The following ZNF704 variants were observed in gnomAD, a reference collection of about 807,000 sequenced individuals.
ZNF704 encodes the protein zinc finger protein 704.
ZNF704 carries 10 observed loss-of-function variants against 44.7 expected under a neutral mutation model. The ratio of observed to expected loss-of-function variants is 0.22; its 90% CI spans 0.14 to 0.38. The LOEUF is 0.38. Among genes scored for constraint, ZNF704 ranks in the 10% least tolerant of loss-of-function variants. The pLI is 1.00. For missense variants in ZNF704, 390 were observed against 545.5 expected (o/e 0.71, Z 2.84); for synonymous variants, 211 against 207.6 (o/e 1.02, Z -0.14).
chr8:80,661,243 G>A (rs1157177961), intron 6 of ZNF704, among the ~76,000 whole-genome samples: 2 of 152,036 alleles, frequency 1.3e-5, no homozygotes, highest in Non-Finnish European at 2.9e-5. Flanking sequence ...CCACAATGAA[G>A]TATCGTCTCA....
At chr8:80,710,589 T>TAGAAG (rs1482060160) in intron 2 of ZNF704, among the ~76,000 whole-genome samples, 1 of 152,108 alleles carries the variant, frequency 6.6e-6, no homozygotes, top group Non-Finnish European at 1.5e-5. Context: ...TTCGATGAGG[T>TAGAAG]CATGAAGGTA....
At chr8:80,842,094 G>C (rs1808690775) in intron 1 of ZNF704, among the ~76,000 whole-genome samples, 1 of 152,120 alleles carries the variant, frequency 6.6e-6, no homozygotes, top group African/African-American at 2.4e-5. Flanking sequence ...ACTGTGCCTG[G>C]CCTAAATCAT....
chr8:80,823,047 T>C (rs1808306464), intron 1 of ZNF704, among the ~76,000 whole-genome samples: 1 of 152,164 alleles, frequency 6.6e-6, no homozygotes, highest in Non-Finnish European at 1.5e-5. Context: ...GATTTCTGCA[T>C]TGCCAACTGA....
chr8:80,879,538 A>G (rs1809399361), upstream of ZNF704, among the ~76,000 whole-genome samples: 1 of 152,108 alleles, frequency 6.6e-6, no homozygotes, highest in African/African-American at 2.4e-5. Flanking sequence ...GTCTCTTTTA[A>G]GCCAATTCTA....
Position 80,674,188 on chromosome 8 carries a change from T to A in ZNF704, c.559-3585A>T, listed in dbSNP as rs549102384. The stretch of plus-strand genomic sequence containing the variant: ...AGCCTTCCTGACCTCCTTGGGCCAG[T>A]GATCTAAACACATGAAATGTAAGAT... On this transcript the variant is annotated intron_variant, in intron 4 of 8. Coordinates refer to ENST00000327835, the MANE Select transcript of ZNF704 (RefSeq NM_001033723.3). Among the ~76,000 whole-genome samples the A allele has an allele frequency of 2.6e-5, 4 of 152,322 alleles. No individual in the cohort carries two copies. In the South Asian group the frequency reaches 8.3e-4, roughly 32 times the overall value.
chr8:80,744,737 C>G (rs1806817270), intron 2 of ZNF704, among the ~76,000 whole-genome samples: 1 of 152,142 alleles, frequency 6.6e-6, no homozygotes, highest in South Asian at 2.1e-4. Context: ...TGGACCATCC[C>G]TTTTACCATT....
At chr8:80,840,731 T>G (rs1038166910) in intron 1 of ZNF704, among the ~76,000 whole-genome samples, 9 of 152,100 alleles carry the variant, frequency 5.9e-5, no homozygotes, top group African/African-American at 2.2e-4. Context: ...TCCACTTCCA[T>G]CAAAACAACA....
chr8:80,656,183 ATTTCTCTCTCTCTCTC>A (rs981086814), intron 7 of ZNF704, among the ~76,000 whole-genome samples: 20 of 151,564 alleles, frequency 1.3e-4, no homozygotes, highest in Middle Eastern at 6.8e-3. Flanking sequence ...CTCTCTCTCG[ATTTCTCTCTCTCTCTC>A]TTTCTCTCTC....
upstream of ZNF704, among the ~76,000 whole-genome samples, chr8:80,878,909 A>G (rs774249401): frequency 5.3e-5 from 8 of 152,030 alleles, no homozygotes; most frequent in Non-Finnish European, 1.0e-4. Flanking sequence ...AGTAGGTGCA[A>G]TTTTGTCTTT....
intron 2 of ZNF704, among the ~76,000 whole-genome samples, chr8:80,766,496 C>A (rs1416151715): frequency 6.6e-6 from 1 of 152,190 alleles, no homozygotes; most frequent in East Asian, 1.9e-4. Flanking sequence ...GGGATCAAAG[C>A]AAGCTTAATT....
At chr8:80,664,751 G>A (rs1818162234) in intron 6 of ZNF704, 64 bp downstream of exon 6, 1 of 1,594,730 alleles carries the variant, frequency 6.3e-7, no homozygotes, top group Non-Finnish European at 8.6e-7. Context: ...TTACTCATAG[G>A]CCAGATGGCC....
At chr8:80,693,495 C>A (rs1818674785) in intron 2 of ZNF704, among the ~76,000 whole-genome samples, 1 of 152,172 alleles carries the variant, frequency 6.6e-6, no homozygotes, top group African/African-American at 2.4e-5. Flanking sequence ...GGAACAAAGT[C>A]ATTTCTGATA....
At chr8:80,808,623 G>A (rs1237191028) in intron 2 of ZNF704, among the ~76,000 whole-genome samples, 1 of 152,152 alleles carries the variant, frequency 6.6e-6, no homozygotes, top group Admixed American at 6.5e-5. Flanking sequence ...GCCCAACAGA[G>A]GCTACAATTC....
intron 7 of ZNF704, among the ~76,000 whole-genome samples, chr8:80,655,084 C>G (rs1262150305): frequency 6.6e-6 from 1 of 151,808 alleles, no homozygotes; most frequent in Admixed American, 6.6e-5. Context: ...AGCAAACTAT[C>G]GCAAAGACAA....
intron 2 of ZNF704, among the ~76,000 whole-genome samples, chr8:80,737,694 A>G (rs943537252): frequency 6.6e-6 from 1 of 152,194 alleles, no homozygotes; most frequent in African/African-American, 2.4e-5. Context: ...AAAATTTTGA[A>G]TAATTTTTCT....
intron 2 of ZNF704, among the ~76,000 whole-genome samples, chr8:80,787,254 T>C (rs1371113323): frequency 6.6e-6 from 1 of 152,216 alleles, no homozygotes; most frequent in African/African-American, 2.4e-5. Flanking sequence ...ATTTTTTCTC[T>C]TTACCTCTTT....
intron 2 of ZNF704, among the ~76,000 whole-genome samples, chr8:80,786,783 C>T (rs1419220743): frequency 1.3e-5 from 2 of 152,174 alleles, no homozygotes; most frequent in Non-Finnish European, 2.9e-5. Context: ...AGACTGGACT[C>T]ACCGATAGCC....
At chr8:80,796,311 C>A (rs897016381) in intron 2 of ZNF704, among the ~76,000 whole-genome samples, 1 of 152,172 alleles carries the variant, frequency 6.6e-6, no homozygotes, top group Non-Finnish European at 1.5e-5. Flanking sequence ...CTCTTCCTCA[C>A]CTTATAAAGC....
chr8:80,679,106 C>G (rs942248374), intron 4 of ZNF704, among the ~76,000 whole-genome samples: 1 of 152,118 alleles, frequency 6.6e-6, no homozygotes, highest in Non-Finnish European at 1.5e-5. Flanking sequence ...TCTTAAGGCT[C>G]TACGGGTTAG....
Sources: allele counts gnomAD v4.1 joint callset (sites outside exome capture counted in the v4.1 genomes callset), GRCh38; gene constraint gnomAD v4.1.1; transcripts MANE v1.5; gene names NCBI Gene and HGNC (gene_info 2026-07-23, HGNC 2026-07-21).